Variants in DNAH1 observed in about 807,000 individuals in gnomAD.
DNAH1 encodes axonemal beta dynein heavy chain 1.
In DNAH1, 327 loss-of-function variants were observed where a neutral mutation model predicts 484.3. That is an observed-to-expected ratio of 0.68 (90% confidence interval 0.62 to 0.74). DNAH1 has a LOEUF of 0.74. Among genes scored for constraint, DNAH1 ranks in the 30% least tolerant of loss-of-function variants. The probability of loss-of-function intolerance (pLI) is 0.00; values close to 1 mark genes in which losing one functional copy is unlikely to be tolerated. For missense variants in DNAH1, 5,052 were observed against 5,546.8 expected, an observed-to-expected ratio of 0.91 and a Z score of 2.83; for synonymous variants, 2,192 against 2,191.9, an observed-to-expected ratio of 1.00 and a Z score of 0.00.
intron 75 of DNAH1, 104 bp from the exon 76 acceptor site, chr3:52,398,746 T>C: frequency 3.9e-6 from 4 of 1,014,446 alleles, no homozygotes; most frequent in Non-Finnish European, 5.6e-6. Context: ...TCTTAGCCTC[T>C]ATGTTTTGCC....
chr3:52,388,729 G>C (rs760308265), intron 58 of DNAH1, 77 bp from the exon 59 acceptor site: 1 of 1,605,194 alleles, frequency 6.2e-7, no homozygotes, highest in South Asian at 1.1e-5. Context: ...GCAACCCCAG[G>C]TGCCACAGTG....
chr3:52,363,147 G>A lies in DNAH1; in HGVS notation c.5244+3G>A. ...CTTCTGAGCAGCTCAGCTCCCAGGT[G>A]TGGTCCTGCCCTGATGGGTTTCCAG... On this transcript the variant is annotated splice_donor_region_variant and intron_variant, in intron 32 of 77. Transcript: ENST00000420323. 2 of 1,613,784 alleles carry A rather than the reference G, an allele frequency of 1.2e-6. No homozygotes were observed. The highest frequency in any genetic ancestry group is 4.5e-5 in the East Asian group (2 of 44,894).
Position 52,388,314 on chromosome 3 carries a change from A to G in DNAH1, c.9151A>G (p.Lys3051Glu), listed in dbSNP as rs752118276. 6.2e-7 allele frequency: 1 copy of G among 1,602,674 alleles called. No homozygotes were observed. Among genetic ancestry groups the G allele is most frequent in the Non-Finnish European group, 8.5e-7 (1 of 1,174,742 alleles). ...CATGCACAAGTACCACTTTGTGGCC[A>G]AGGCCGTGGAGCCCAAGCGGGTGAG... Reference protein sequence around the residue: ...RAMHKYHFVAKAVEPKRQALL... With the variant: ...RAMHKYHFVAEAVEPKRQALL... The change falls in exon 57 of 78, where the codon AAG becomes GAG. Residue 3051 changes from lysine (K) to glutamate (E), a missense_variant. By Grantham distance (56) the Lys-to-Glu change is moderately conservative. Coordinates refer to ENST00000420323, the MANE Select transcript of DNAH1 (RefSeq NM_015512.5).
At chr3:52,315,185 G>C (rs1322134525), upstream of DNAH1, among the ~76,000 whole-genome samples, 1 of 152,146 alleles carries the variant, frequency 6.6e-6, no homozygotes, top group African/African-American at 2.4e-5. Flanking sequence ...CCCGATGCCT[G>C]CAACTCACTT....
chr3:52,372,970 T>C lies in DNAH1; in HGVS notation c.6902T>C (p.Leu2301Pro), dbSNP rs1703412389. The C allele has an allele frequency of 3.1e-6, 5 of 1,613,718 alleles. No homozygotes were observed. The highest frequency in any genetic ancestry group is 4.2e-6 in the Non-Finnish European group (5 of 1,179,866). The change falls in exon 44 of 78, where the codon CTG becomes CCG. Residue 2301 changes from leucine (L) to proline (P), a missense_variant. Leu to Pro is a moderately conservative substitution (Grantham distance 98, BLOSUM62 -3). Around this residue, in one of 4 missense-constraint regions of DNAH1, gnomAD observed 2,929 missense variants for 3,409.4 expected, o/e 0.86. Transcript: ENST00000420323. ...ATCGATGACCTGAACATGCCGGCCC[T>C]GGAGACCTACGGTGCACAGCCACCC... ...FFIDDLNMPA[L>P]ETYGAQPPIE... is the part of the protein sequence containing the mutation.
chr3:52,370,885 C>T, intron 41 of DNAH1, 60 bp downstream of exon 41: 1 of 1,510,626 alleles, frequency 6.6e-7, no homozygotes, highest in Non-Finnish European at 9.0e-7. Flanking sequence ...GCTGCTGTTC[C>T]CGCAATGAAT....
intron 52 of DNAH1, 52 bp downstream of exon 52, chr3:52,384,083 G>A: frequency 1.3e-6 from 2 of 1,494,864 alleles, no homozygotes; most frequent in Non-Finnish European, 1.8e-6. Context: ...TTAGCTTGGG[G>A]CATGGGCTCA....
rs1217611359 is a variant in DNAH1 at position 52,362,951 on chromosome 3, G to A, written c.5095-44G>A. 2 of 1,611,052 alleles carry A rather than the reference G, an allele frequency of 1.2e-6. No individual in the cohort carries two copies. The highest frequency in any genetic ancestry group is 1.7e-5 in the Admixed American group (1 of 59,990). On this transcript the variant is annotated intron_variant, in intron 31 of 77. Transcript: ENST00000420323. The surrounding 1 kb of genome is among the most constrained non-coding windows in gnomAD (Gnocchi z 5.1). Reference sequence around the variant, plus strand: ...CCGGATGAAGCTGGGGGTGCTCTGGGGGTGAGCTCTGTTTGCTGTTCACAT... The same window carrying A: ...CCGGATGAAGCTGGGGGTGCTCTGGAGGTGAGCTCTGTTTGCTGTTCACAT...
rs550831913 is a variant in DNAH1 at position 52,391,598 on chromosome 3, G to A, written c.10047G>A (p.Ser3349=). Residue 3349 remains serine (S), a synonymous_variant, in exon 63 of 78, where the codon TCG becomes TCA. Coordinates refer to ENST00000420323, the MANE Select transcript of DNAH1 (RefSeq NM_015512.5). Reference sequence around the variant, plus strand: ...TCACCCTCATCAACTTCACCCTGTCGCCCAGGTGAGCCCCCACTCTTGGGG... The same window carrying A: ...TCACCCTCATCAACTTCACCCTGTCACCCAGGTGAGCCCCCACTCTTGGGG... ...TKLTLINFTL[S]PSGLEDQLLG... The A allele has an allele frequency of 9.3e-6, 15 of 1,613,254 alleles. No individual in the cohort carries two copies. Among genetic ancestry groups the A allele is most frequent in the African/African-American group, 4.0e-5 (3 of 74,848 alleles).
In DNAH1 at chr3:52,323,824, C is replaced by G; in HGVS notation, c.350C>G (p.Pro117Arg). 1 of 1,590,390 alleles carries G rather than the reference C, an allele frequency of 6.3e-7. No individual in the cohort carries two copies. Among genetic ancestry groups the G allele is most frequent in the Non-Finnish European group, 8.6e-7 (1 of 1,168,358 alleles). Residue 117 changes from proline (P) to arginine (R), a missense_variant, in exon 3 of 78, where the codon CCC becomes CGC. Physicochemically the swap from Pro to Arg is moderately radical, Grantham distance 103. Transcript: ENST00000420323. ...TGGTTTCAGGAGGTATGTCGTGGCC[C>G]CCGAATGAGCCAGAACCTCCTGCGG... is the stretch of plus-strand genomic sequence containing the variant. ...LDQLGEVCRG[P>R]RMSQNLLRQA...
chr3:52,354,286 C>G (rs1291042127), intron 20 of DNAH1, among the ~76,000 whole-genome samples: 1 of 152,242 alleles, frequency 6.6e-6, no homozygotes, highest in Non-Finnish European at 1.5e-5. Context: ...CCACACTCCT[C>G]CTAACCTTAG....
intron 66 of DNAH1, 48 bp from the exon 67 acceptor site, chr3:52,394,417 A>G: frequency 1.3e-6 from 2 of 1,593,236 alleles, no homozygotes; most frequent in Non-Finnish European, 1.7e-6. Flanking sequence ...CCAGAGCAGG[A>G]GGAGCTGGCC....
intron 39 of DNAH1, 43 bp from the exon 40 acceptor site, chr3:52,370,434 T>TA: frequency 1.2e-6 from 2 of 1,613,050 alleles, no homozygotes; most frequent in Non-Finnish European, 1.7e-6. Context: ...GGCCGCTTGA[T>TA]ACTGTTCCTG....
At chr3:52,317,629 G>C (rs563518245) in intron 1 of DNAH1, among the ~76,000 whole-genome samples, 1 of 152,378 alleles carries the variant, frequency 6.6e-6, no homozygotes, top group Admixed American at 6.5e-5. Context: ...GGCACAGGAG[G>C]GAAGATGGGT....
rs1702450379 is a variant in DNAH1 at position 52,352,825 on chromosome 3, A to G, written c.3027+118A>G. On this transcript the variant is annotated intron_variant, in intron 18 of 77. Transcript: ENST00000420323. ...TTGGGGGCAGGACCCAGCAGGCTGCAGAGTGGAGATAGCCCAACCCTGGCC... is the reference window on the plus strand; with the variant it reads ...TTGGGGGCAGGACCCAGCAGGCTGCGGAGTGGAGATAGCCCAACCCTGGCC... 5 of 1,422,204 alleles carry G rather than the reference A, an allele frequency of 3.5e-6. No individual in the cohort carries two copies. The South Asian group carries it at 7.0e-5, about 20-fold the overall frequency. 88.1% of individuals were successfully genotyped at this position (1,422,204 alleles called of 1,614,324 possible).
intron 51 of DNAH1, 120 bp from the exon 52 acceptor site, chr3:52,383,740 G>T: frequency 1.4e-6 from 2 of 1,404,034 alleles, no homozygotes; most frequent in South Asian, 1.5e-5. Flanking sequence ...TTGGGCCCAG[G>T]CTGCTGTGCT....
In DNAH1 at chr3:52,399,208, G is replaced by A; in HGVS notation, c.12441+7G>A. On this transcript the variant is annotated splice_region_variant and intron_variant, in intron 76 of 77. Coordinates refer to ENST00000420323, the MANE Select transcript of DNAH1 (RefSeq NM_015512.5). ...CATCTCCTTTGATTTCAAGGTCTGG[G>A]CACAGCCAGGGCCAGGTCAGGTGAC... is the stretch of plus-strand genomic sequence containing the variant. 1 of 1,596,508 alleles carries A rather than the reference G, an allele frequency of 6.3e-7. No homozygotes were observed. Among genetic ancestry groups the A allele is most frequent in the Non-Finnish European group, 8.5e-7 (1 of 1,170,202 alleles).
At chr3:52,332,904 G>A (rs530606165) in intron 8 of DNAH1, among the ~76,000 whole-genome samples, 116 of 152,180 alleles carry the variant, frequency 7.6e-4, no homozygotes, top group African/African-American at 2.7e-3. Context: ...TTTGAGACAG[G>A]TTCTTACTCT....
intron 9 of DNAH1, among the ~76,000 whole-genome samples, chr3:52,344,916 C>T (rs892619558): frequency 6.6e-6 from 1 of 152,238 alleles, no homozygotes; most frequent in Non-Finnish European, 1.5e-5. Flanking sequence ...AACAATGCTT[C>T]AGCAGTAGGT....
Sources: gnomAD v4.1 joint callset for allele counts (sites outside exome capture counted in the v4.1 genomes callset) on GRCh38, gnomAD v4.1.1 for gene constraint, gnomAD v4.1.1 regional missense constraint, Gnocchi (gnomAD v3.1) non-coding constraint, MANE v1.5 for transcripts, NCBI Gene and HGNC (gene_info 2026-07-23, HGNC 2026-07-21) for gene names.